The following PLXNA4 variants were observed in gnomAD, a reference collection of about 807,000 sequenced individuals.
PLXNA4 encodes plexin-A4.
PLXNA4 carries 44 observed loss-of-function variants against 191.8 expected under a neutral mutation model. The observed-to-expected ratio is 0.23, with a 90% CI of 0.18 to 0.29. The LOEUF (loss-of-function observed/expected upper bound fraction) is 0.29, where lower values mean the gene tolerates loss of function less well. Among genes scored for constraint, PLXNA4 ranks in the 10% least tolerant of loss-of-function variants. PLXNA4 has a pLI of 1.00. For synonymous variants in PLXNA4, 1,082 were observed against 1,009.5 expected (o/e 1.07, Z -1.36); for missense variants, 1,800 against 2,488.8 (o/e 0.72, Z 5.89).
intron 3 of PLXNA4, among the ~76,000 whole-genome samples, chr7:132,408,949 T>C (rs567906503): frequency 6.7e-6 from 1 of 149,404 alleles, no homozygotes; most frequent in African/African-American, 2.5e-5. Flanking sequence ...ATTCTGTGTC[T>C]TGAAATATCA....
chr7:132,635,893 T>C (rs1349970068), intron 2 of PLXNA4, among the ~76,000 whole-genome samples: 4 of 152,122 alleles, frequency 2.6e-5, no homozygotes, highest in Admixed American at 6.6e-5. Context: ...GAACTTGAAA[T>C]AGGTAAATGA....
At chr7:132,486,401 C>T (rs1306666512) in intron 3 of PLXNA4, among the ~76,000 whole-genome samples, 3 of 152,178 alleles carry the variant, frequency 2.0e-5, no homozygotes, top group African/African-American at 7.2e-5. Context: ...ATAAATGGGC[C>T]ACTTTTGCTT....
rs753629832 is a variant in PLXNA4 at position 132,508,598 on chromosome 7, C to T, written c.96G>A (p.Pro32=). The change falls in exon 2 of 32, where the codon CCG becomes CCA. Residue 32 remains proline, a synonymous_variant. Transcript: ENST00000321063. This position sits in a 1 kb window ranked among gnomAD's most constrained non-coding sequence, Gnocchi z 4.4. ...SSTLLTRQPA[P]LSQKQRSFVT... The stretch of plus-strand genomic sequence containing the variant: ...CAAATGACCGCTGCTTCTGGGACAG[C>T]GGGGCTGGCTGCCGGGTGAGCAAAG... The T allele has an allele frequency of 3.7e-5, 59 of 1,613,292 alleles. No homozygotes were observed. Among genetic ancestry groups the T allele is most frequent in the Middle Eastern group, 3.3e-4 (2 of 6,062 alleles).
rs1286397536 is a variant in PLXNA4, at chr7:132,211,148, G to A, written c.2098-5C>T. The A allele has an allele frequency of 4.5e-6, 7 of 1,553,996 alleles. No homozygotes were observed. In the East Asian group the frequency reaches 9.7e-5, roughly 22 times the overall value. On this transcript the variant is annotated splice_polypyrimidine_tract_variant and splice_region_variant and intron_variant, in intron 9 of 31. Coordinates refer to ENST00000321063, the MANE Select transcript of PLXNA4 (RefSeq NM_020911.2). ...TCGCAGCAGCTGGGGGCAGTCCTGG[G>A]GACAGAGGGCATGGCTCAGGCTGGG...
At chr7:132,473,271 C>T (rs1235404409) in intron 3 of PLXNA4, among the ~76,000 whole-genome samples, 5 of 152,124 alleles carry the variant, frequency 3.3e-5, no homozygotes, top group Non-Finnish European at 1.5e-5. Context: ...CTTCCTTAGC[C>T]GGACACTTTT....
intron 3 of PLXNA4, among the ~76,000 whole-genome samples, chr7:132,317,757 A>AG (rs2116619838): frequency 6.6e-6 from 1 of 152,328 alleles, no homozygotes; most frequent in South Asian, 2.1e-4. Context: ...AGCAAAATGG[A>AG]GCAGCACAAG....
Position 132,227,549 on chromosome 7 carries a change from A to T in PLXNA4, c.1784T>A (p.Phe595Tyr). Residue 595 changes from phenylalanine (F) to tyrosine (Y), a missense_variant, in exon 7 of 32, where the codon TTT becomes TAT. Around this residue, in one of 6 missense-constraint regions of PLXNA4, gnomAD observed 1,397 missense variants for 1,880.4 expected, o/e 0.74. Transcript: ENST00000321063. ...PELSAGVNCT[F>Y]EDLSEMDGLV... ...CCCATCCATCTCTGACAGGTCCTCA[A>T]AGGTGCAGTTGACGCCAGCTGACAG... 1 of 1,614,102 alleles carries T rather than the reference A, an allele frequency of 6.2e-7. No homozygotes were observed. Among genetic ancestry groups the T allele is most frequent in the Non-Finnish European group, 8.5e-7 (1 of 1,180,022 alleles).
Position 132,569,504 on chromosome 7 carries a change from T to C in PLXNA4, c.-87+6918A>G, listed in dbSNP as rs147968240. 6.5e-3 allele frequency among the ~76,000 whole-genome samples: 990 copies of C among 152,368 alleles called. 9 individuals are homozygous for C. The highest frequency in any genetic ancestry group is 0.037 in the Middle Eastern group (11 of 294). On this transcript the variant is annotated intron_variant, in intron 1 of 31. Transcript: ENST00000321063. The stretch of plus-strand genomic sequence containing the variant: ...ATCTGTTCTGTGCACTGGAATTCCA[T>C]ATAAAATTTCACTGGAGCAAAGATT...
intron 1 of PLXNA4, among the ~76,000 whole-genome samples, chr7:132,538,236 C>G (rs994116421): frequency 6.6e-6 from 1 of 152,184 alleles, no homozygotes; most frequent in African/African-American, 2.4e-5. Flanking sequence ...CACACAGCAG[C>G]CCAGCAAGAG....
chr7:132,173,997 G>A (rs1272948730), intron 21 of PLXNA4, among the ~76,000 whole-genome samples: 1 of 152,116 alleles, frequency 6.6e-6, no homozygotes, highest in Non-Finnish European at 1.5e-5. Context: ...CTGTATAATG[G>A]GCTTACTTAC....
intron 3 of PLXNA4, among the ~76,000 whole-genome samples, chr7:132,454,324 C>T (rs1203467117): frequency 1.3e-5 from 2 of 152,156 alleles, no homozygotes; most frequent in Non-Finnish European, 2.9e-5. Context: ...TTCTGCATTG[C>T]CTTCTTAAGA....
At chr7:132,433,069 G>T (rs11979734) in intron 3 of PLXNA4, among the ~76,000 whole-genome samples, 9,730 of 152,198 alleles carry the variant, frequency 0.064, 1,004 homozygotes, top group African/African-American at 0.22. Flanking sequence ...CACACCAAAT[G>T]GGCAACAGGG....
intron 2 of PLXNA4, among the ~76,000 whole-genome samples, chr7:132,500,199 T>A (rs1262403828): frequency 6.6e-6 from 1 of 151,996 alleles, no homozygotes; most frequent in Non-Finnish European, 1.5e-5. Context: ...AGGAAGGCAA[T>A]TGGAGGGAGG....
intron 3 of PLXNA4, among the ~76,000 whole-genome samples, chr7:132,346,083 T>A (rs1423781813): frequency 6.6e-6 from 1 of 152,244 alleles, no homozygotes; most frequent in Non-Finnish European, 1.5e-5. Flanking sequence ...CAGCACTGAC[T>A]TAACCTTGTT....
intron 3 of PLXNA4, among the ~76,000 whole-genome samples, chr7:132,474,592 A>C (rs899357089): frequency 6.6e-6 from 1 of 151,738 alleles, no homozygotes; most frequent in Non-Finnish European, 1.5e-5. Context: ...GGGTCTCCGA[A>C]GTTCTCCCAA....
intron 9 of PLXNA4, among the ~76,000 whole-genome samples, chr7:132,213,486 A>G (rs1259297677): frequency 6.6e-6 from 1 of 152,200 alleles, no homozygotes; most frequent in Non-Finnish European, 1.5e-5. Context: ...ATGTGGTCTG[A>G]GGCTCTACAG....
chr7:132,581,257 G>A (rs973042900), upstream of PLXNA4, among the ~76,000 whole-genome samples: 2 of 152,214 alleles, frequency 1.3e-5, no homozygotes, highest in African/African-American at 4.8e-5. Flanking sequence ...GGAAGATGAG[G>A]GGAGGAACAT....
intron 2 of PLXNA4, among the ~76,000 whole-genome samples, chr7:132,597,157 G>A (rs1314987628): frequency 6.6e-6 from 1 of 152,132 alleles, no homozygotes; most frequent in Non-Finnish European, 1.5e-5. Flanking sequence ...TCCCTCTGCA[G>A]AATTATCATG....
At chr7:132,533,091 T>C (rs572879012) in intron 1 of PLXNA4, among the ~76,000 whole-genome samples, 1 of 152,242 alleles carries the variant, frequency 6.6e-6, no homozygotes, top group Non-Finnish European at 1.5e-5. Flanking sequence ...ATAGAACCTG[T>C]ATACACATTA....
Sources: gnomAD v4.1 joint callset for allele counts (sites outside exome capture counted in the v4.1 genomes callset) on GRCh38, gnomAD v4.1.1 for gene constraint, gnomAD v4.1.1 regional missense constraint, Gnocchi (gnomAD v3.1) non-coding constraint, MANE v1.5 for transcripts, NCBI Gene and HGNC (gene_info 2026-07-23, HGNC 2026-07-21) for gene names.